FANCA: variants seen among roughly 807,000 people sequenced by gnomAD.
FANCA encodes Fanconi anemia group A protein.
A neutral mutation model predicts 194.3 loss-of-function variants in FANCA; 236 were observed. The ratio of observed to expected loss-of-function variants is 1.21; its 90% CI spans 1.09 to 1.35. The LOEUF is 1.35. Among genes scored for constraint, FANCA ranks in the 40% most tolerant of loss-of-function variants. The pLI, the probability that FANCA is intolerant of heterozygous loss-of-function variation, is 0.00. For synonymous variants in FANCA, 1,014 were observed against 715.8 expected (o/e 1.42, Z -6.65); for missense variants, 2,628 against 1,813.9 (o/e 1.45, Z -8.15).
chr16:89,784,769 G>A, intron 15 of FANCA, 85 bp downstream of exon 15: 2 of 986,072 alleles, frequency 2.0e-6, no homozygotes, highest in Non-Finnish European at 3.3e-6. Context: ...ATCTGCAGGA[G>A]GCTCTTGGGG....
intron 28 of FANCA, 92 bp from the exon 29 acceptor site, chr16:89,762,114 C>G: frequency 2.1e-6 from 2 of 949,996 alleles, no homozygotes; most frequent in Non-Finnish European, 3.5e-6. Flanking sequence ...TCATCTCATA[C>G]GCAGTCCTCC....
At chr16:89,798,781 T>C (rs1159341527) in intron 10 of FANCA, 2 of 1,412,158 alleles carry the variant, frequency 1.4e-6, no homozygotes, top group East Asian at 2.7e-5. Flanking sequence ...ACAGCTACAG[T>C]GTGTTCTAGA....
chr16:89,787,554 G>C (rs573380225), intron 14 of FANCA, among the ~76,000 whole-genome samples: 2 of 151,976 alleles, frequency 1.3e-5, no homozygotes, highest in Non-Finnish European at 2.9e-5. Context: ...GCAACATAGT[G>C]AGACACTATG....
At chr16:89,783,202 G>C (rs2039780814) in intron 15 of FANCA, 100 bp from the exon 16 acceptor site, 1 of 850,812 alleles carries the variant, frequency 1.2e-6, no homozygotes, top group Non-Finnish European at 2.0e-6. Flanking sequence ...GCTGAGTAGA[G>C]AAACACAGCC....
chr16:89,803,376 A>T (rs374915020), intron 7 of FANCA, 35 bp from the exon 8 acceptor site: 2 of 1,578,348 alleles, frequency 1.3e-6, no homozygotes, highest in Non-Finnish European at 1.7e-6. Flanking sequence ...ATTTATGGAC[A>T]TCATGGTCTC....
At chr16:89,777,157 G>A (rs973024249) in intron 20 of FANCA, among the ~76,000 whole-genome samples, 1 of 151,224 alleles carries the variant, frequency 6.6e-6, no homozygotes, top group Non-Finnish European at 1.5e-5. Context: ...CTGGCCAGGT[G>A]TGGTGGATCG....
intron 31 of FANCA, among the ~76,000 whole-genome samples, chr16:89,751,937 A>ACCC: frequency 6.6e-6 from 1 of 151,962 alleles, no homozygotes; most frequent in East Asian, 1.9e-4. Context: ...CGCCCGGCTA[A>ACCC]ATTTTTGTAT....
intron 40 of FANCA, 31 bp downstream of exon 40, chr16:89,739,447 C>T (rs2062065998): frequency 2.6e-6 from 4 of 1,551,384 alleles, no homozygotes; most frequent in Non-Finnish European, 3.5e-6. Flanking sequence ...AAACACTGCC[C>T]AGCCCTGACC....
chr16:89,791,485 C>A lies in FANCA; in HGVS notation c.1277G>T (p.Ser426Ile). Residue 426 changes from serine (S) to isoleucine (I), a missense_variant, in exon 14 of 43, where the codon AGC (serine) becomes ATC (isoleucine). By Grantham distance (142) the Ser-to-Ile change is moderately radical. Coordinates refer to ENST00000389301, the MANE Select transcript of FANCA (RefSeq NM_000135.4). ...AQAFESCQLD[S>I]MVTAFLVVRQ... ...CACAACCAGGAACGCAGTGACCATG[C>A]TGTCCAGCTGGCAGCTCTCGAATGC... 6.2e-7 allele frequency: 1 copy of A among 1,614,186 alleles called. No individual in the cohort carries two copies. The highest frequency in any genetic ancestry group is 1.7e-5 in the Admixed American group (1 of 60,028).
chr16:89,780,630 A>C (rs2039667802), intron 17 of FANCA, among the ~76,000 whole-genome samples: 1 of 152,004 alleles, frequency 6.6e-6, no homozygotes, highest in South Asian at 2.1e-4. Context: ...CATCAAAAAA[A>C]AAAAAAAACA....
At chr16:89,798,561 G>A in intron 10 of FANCA, 1 of 1,134,770 alleles carries the variant, frequency 8.8e-7, no homozygotes, top group Non-Finnish European at 1.1e-6. Flanking sequence ...CCACACTAGA[G>A]GGAAGCAAAC....
intron 8 of FANCA, among the ~76,000 whole-genome samples, chr16:89,802,576 T>C (rs1033152522): frequency 6.6e-6 from 1 of 152,132 alleles, no homozygotes; most frequent in African/African-American, 2.4e-5. Context: ...TAATTTTTTC[T>C]ATTTTTTTAG....
intron 7 of FANCA, among the ~76,000 whole-genome samples, chr16:89,804,681 C>G (rs2040571942): frequency 6.6e-6 from 1 of 152,204 alleles, no homozygotes; most frequent in South Asian, 2.1e-4. Context: ...CCTCTGGTCT[C>G]TCAGCACCTT....
At chr16:89,777,801 GCT>G (rs2039560561) in intron 20 of FANCA, among the ~76,000 whole-genome samples, 1 of 152,030 alleles carries the variant, frequency 6.6e-6, no homozygotes, top group Non-Finnish European at 1.5e-5. Flanking sequence ...CTTTCCCAGA[GCT>G]CTTTCATTTT....
intron 6 of FANCA, among the ~76,000 whole-genome samples, chr16:89,807,152 T>A (rs1005746223): frequency 2.0e-5 from 3 of 151,894 alleles, no homozygotes; most frequent in Non-Finnish European, 4.4e-5. Context: ...GGTGCTGAGA[T>A]AAGATGTGTA....
rs184506151 is a variant in FANCA at position 89,758,828 on chromosome 16, C to T, written c.2853-123G>A. On this transcript the variant is annotated intron_variant, in intron 29 of 42. Transcript: ENST00000389301. ...CTAGTGAGAGCTGGGTTGAGACTGG[C>T]GGCTCGGGACCTTGGAGTAGGGATG... 2,060 of 1,463,202 alleles carry T rather than the reference C, an allele frequency of 1.4e-3. 3 individuals carry two copies. The highest frequency in any genetic ancestry group is 1.8e-3 in the Non-Finnish European group (1,924 of 1,065,130). The allele number at this position is 1,463,202 out of a possible 1,614,324, so 90.6% of individuals were successfully genotyped here.
At chr16:89,755,988 A>G (rs2038756298) in intron 30 of FANCA, among the ~76,000 whole-genome samples, 1 of 152,246 alleles carries the variant, frequency 6.6e-6, no homozygotes, top group Non-Finnish European at 1.5e-5. Flanking sequence ...CCAGGCTATA[A>G]ACCGGCATAG....
chr16:89,763,745 T>C (rs1284756409), intron 28 of FANCA, among the ~76,000 whole-genome samples: 1 of 151,176 alleles, frequency 6.6e-6, no homozygotes, highest in Non-Finnish European at 1.5e-5. Context: ...GAGACCAGCC[T>C]AACATGGTGA....
rs12102297 is a variant in FANCA, at chr16:89,746,354, C to A, written c.3513+230G>T. On this transcript the variant is annotated intron_variant, in intron 35 of 42. Coordinates refer to ENST00000389301, the MANE Select transcript of FANCA (RefSeq NM_000135.4). ...TGGGGTCCACAGGGGAGAAGTCCTGCGGGTGCCATGGTGACGGCGGTGGGG... is the reference window on the plus strand; with the variant it reads ...TGGGGTCCACAGGGGAGAAGTCCTGAGGGTGCCATGGTGACGGCGGTGGGG... 0.55 allele frequency among the ~76,000 whole-genome samples: 83,513 copies of A among 152,040 alleles called. 25,713 individuals carry two copies. Among genetic ancestry groups the A allele is most frequent in the East Asian group, 0.98 (5,078 of 5,170 alleles).
Sources: gnomAD v4.1 joint callset for allele counts (sites outside exome capture counted in the v4.1 genomes callset) on GRCh38, gnomAD v4.1.1 for gene constraint, MANE v1.5 for transcripts, NCBI Gene and HGNC (gene_info 2026-07-23, HGNC 2026-07-21) for gene names.